The following IGSF23 variants were observed in gnomAD, a reference collection of about 807,000 sequenced individuals.
The protein encoded by IGSF23 is immunoglobulin superfamily, member 23.
IGSF23 carries 14 observed loss-of-function variants against 17.8 expected under a neutral mutation model. The ratio of observed to expected loss-of-function variants is 0.79; its 90% CI spans 0.52 to 1.23. The LOEUF is 1.23. Among genes scored for constraint, IGSF23 ranks in the 50% most tolerant of loss-of-function variants. The pLI is 0.00. For missense variants in IGSF23, 214 were observed against 241.7 expected (o/e 0.89, Z 0.76); for synonymous variants, 85 against 92.5 (o/e 0.92, Z 0.46).
At chr19:44,624,991 C>T (rs1396479311) in intron 2 of IGSF23, among the ~76,000 whole-genome samples, 1 of 151,802 alleles carries the variant, frequency 6.6e-6, no homozygotes, top group African/African-American at 2.4e-5. Flanking sequence ...CACTTGAGCC[C>T]AGGAGTTTAA....
intron 3 of IGSF23, among the ~76,000 whole-genome samples, chr19:44,632,820 T>A (rs35341765): frequency 1.0e-3 from 153 of 152,362 alleles, no homozygotes; most frequent in Non-Finnish European, 1.9e-3. Flanking sequence ...TAGACTCAAT[T>A]GTGTATGGGC....
chr19:44,613,934 G>A, intron 1 of IGSF23, 164 bp downstream of exon 1: 1 of 1,546,684 alleles, frequency 6.5e-7, no homozygotes, highest in Non-Finnish European at 8.7e-7. Flanking sequence ...CGAGATGAGG[G>A]GTCCTCTGGA....
In IGSF23 at chr19:44,623,760, A is replaced by T; in HGVS notation, c.179A>T (p.Gln60Leu). 2 of 1,551,120 alleles carry T rather than the reference A, an allele frequency of 1.3e-6. No individual in the cohort carries two copies. The highest frequency in any genetic ancestry group is 1.7e-6 in the Non-Finnish European group (2 of 1,147,112). Residue 60 changes from glutamine (Q) to leucine (L), a missense_variant, in exon 2 of 5, where the codon CAG (glutamine) becomes CTG (leucine). Coordinates refer to ENST00000402988, the MANE Select transcript of IGSF23 (RefSeq NM_001205280.2). ...CCAGCTGCTATCCGGGGAGTCATCC[A>T]GAGTGAGCTCAACTATTCTGTGATC... ...TFPAAIRGVI[Q>L]SELNYSVILQ...
chr19:44,613,902 T>C (rs1261132067), intron 1 of IGSF23, 132 bp downstream of exon 1: 2 of 1,548,644 alleles, frequency 1.3e-6, no homozygotes, highest in South Asian at 2.4e-5. Context: ...AGACCTTCTC[T>C]GCACAGTCCC....
At chr19:44,613,898 T>G (rs1972308495) in intron 1 of IGSF23, 128 bp downstream of exon 1, 1 of 1,548,572 alleles carries the variant, frequency 6.5e-7, no homozygotes, top group African/African-American at 1.4e-5. Flanking sequence ...GAGGAGACCT[T>G]CTCTGCACAG....
At chr19:44,635,558 G>T in intron 4 of IGSF23, 93 bp downstream of exon 4, 1 of 842,114 alleles carries the variant, frequency 1.2e-6, no homozygotes, top group Non-Finnish European at 1.9e-6. Flanking sequence ...CTCCCTCCTG[G>T]TTCCCTGGTC....
rs1668765696 is a variant in IGSF23, at chr19:44,636,403, C to T, written c.*32-16C>T. 6.6e-6 allele frequency: 1 copy of T among 152,132 alleles called. No individual in the cohort carries two copies. Among genetic ancestry groups the T allele is most frequent in the African/African-American group, 2.4e-5 (1 of 41,410 alleles). 9.4% of individuals were successfully genotyped at this position (152,132 alleles called of 1,614,324 possible). On this transcript the variant is annotated splice_polypyrimidine_tract_variant and intron_variant, in intron 4 of 4. Coordinates refer to ENST00000402988, the MANE Select transcript of IGSF23 (RefSeq NM_001205280.2). The stretch of plus-strand genomic sequence containing the variant: ...TCCTGCATGTGGAATTTACAGTTCT[C>T]TGTCTCTCTCTGCAGATGGGTGCTT...
intron 3 of IGSF23, among the ~76,000 whole-genome samples, chr19:44,634,464 T>C (rs886621263): frequency 2.6e-5 from 4 of 152,226 alleles, no homozygotes; most frequent in African/African-American, 2.4e-5. Context: ...TATTTCCCTG[T>C]TGATCTGGGG....
At chr19:44,627,838 T>TC (rs1972688217) in intron 3 of IGSF23, among the ~76,000 whole-genome samples, 2 of 152,276 alleles carry the variant, frequency 1.3e-5, no homozygotes, top group East Asian at 3.9e-4. Flanking sequence ...GGCAAGCCAC[T>TC]CCCCTTCTCT....
intron 3 of IGSF23, among the ~76,000 whole-genome samples, chr19:44,629,517 G>A (rs556381557): frequency 5.3e-5 from 8 of 151,868 alleles, no homozygotes; most frequent in Non-Finnish European, 8.8e-5. Context: ...AGCGATGATC[G>A]TGCCACCACA....
rs755928659 is a variant in IGSF23, at chr19:44,613,682, C to G, written c.37C>G (p.Pro13Ala). The G allele has an allele frequency of 2.2e-4, 338 of 1,550,230 alleles. No homozygotes were observed. The highest frequency in any genetic ancestry group is 2.0e-4 in the Non-Finnish European group (227 of 1,146,774). ...AKPQSPLPRN[P>A]VPAWSPPTTT... Reference sequence around the variant, plus strand: ...ACCTCAGAGCCCCCTTCCCAGGAACCCTGTCCCAGCCTGGTCCCCACCCAC... The same window carrying G: ...ACCTCAGAGCCCCCTTCCCAGGAACGCTGTCCCAGCCTGGTCCCCACCCAC... The change falls in exon 1 of 5, where the codon CCT becomes GCT. Residue 13 changes from proline (P) to alanine (A), a missense_variant. By Grantham distance (27) the Pro-to-Ala change is conservative. Coordinates refer to ENST00000402988, the MANE Select transcript of IGSF23 (RefSeq NM_001205280.2).
intron 1 of IGSF23, among the ~76,000 whole-genome samples, chr19:44,614,236 G>A (rs1972317391): frequency 6.6e-6 from 1 of 152,068 alleles, no homozygotes. Flanking sequence ...AAGATCACAG[G>A]GCTGGCAAGG....
chr19:44,630,503 G>A (rs1483091288), intron 3 of IGSF23, among the ~76,000 whole-genome samples: 1 of 152,256 alleles, frequency 6.6e-6, no homozygotes, highest in Non-Finnish European at 1.5e-5. Flanking sequence ...GGAAAGGTGA[G>A]GAGTCAGGCT....
chr19:44,619,180 A>G (rs1972456219), intron 1 of IGSF23, among the ~76,000 whole-genome samples: 1 of 152,082 alleles, frequency 6.6e-6, no homozygotes, highest in Non-Finnish European at 1.5e-5. Flanking sequence ...ACATTTTACA[A>G]CAATCAGATC....
chr19:44,621,475 C>A (rs950979494), intron 1 of IGSF23, among the ~76,000 whole-genome samples: 2 of 150,672 alleles, frequency 1.3e-5, no homozygotes, highest in African/African-American at 4.9e-5. Context: ...ATGGTGAGAC[C>A]CCATCTCTAC....
intron 1 of IGSF23, among the ~76,000 whole-genome samples, chr19:44,614,399 A>T (rs1436035230): frequency 6.6e-6 from 1 of 152,112 alleles, no homozygotes; most frequent in Non-Finnish European, 1.5e-5. Context: ...AACTGAATAG[A>T]TCTATATACC....
In IGSF23 at chr19:44,635,340, G is replaced by A; in HGVS notation, c.546-61G>A. 4 of 1,288,230 alleles carry A rather than the reference G, an allele frequency of 3.1e-6. No individual in the cohort carries two copies. The East Asian group carries it at 1.0e-4, about 33-fold the overall frequency. 79.8% of individuals were successfully genotyped at this position (1,288,230 alleles called of 1,614,324 possible). ...GGGAACGGATAATAATTCAGTCGAT[G>A]ATTCTTATTCTCTCTCTCTCTCTCT... On this transcript the variant is annotated intron_variant, in intron 3 of 4. Coordinates refer to ENST00000402988, the MANE Select transcript of IGSF23 (RefSeq NM_001205280.2).
In IGSF23 at chr19:44,623,986, TCCACCCCACC is replaced by T. The variant is rs770685202; in HGVS notation, c.391+26_391+35del. ...TCTCGCTGCCAAGTGAGTCCCCCATTCCACCCCACCCCACCCCACCCAAGAGCCCTGCACC... is the reference window on the plus strand; with the variant it reads ...TCTCGCTGCCAAGTGAGTCCCCCATTCCACCCCACCCAAGAGCCCTGCACC... On this transcript the variant is annotated intron_variant, in intron 2 of 4. Coordinates refer to ENST00000402988, the MANE Select transcript of IGSF23 (RefSeq NM_001205280.2). 3.9e-6 allele frequency: 6 copies of T among 1,540,608 alleles called. No homozygotes were observed. Among genetic ancestry groups the T allele is most frequent in the Non-Finnish European group, 5.2e-6 (6 of 1,143,162 alleles).
At chr19:44,627,199 G>A (rs1008719760) in intron 2 of IGSF23, among the ~76,000 whole-genome samples, 2 of 152,214 alleles carry the variant, frequency 1.3e-5, no homozygotes, top group African/African-American at 4.8e-5. Context: ...ACAGGGTCAG[G>A]TGTGAGCTTT....
Sources: gnomAD v4.1 joint callset for allele counts (sites outside exome capture counted in the v4.1 genomes callset) on GRCh38, gnomAD v4.1.1 for gene constraint, MANE v1.5 for transcripts, NCBI Gene and HGNC (gene_info 2026-07-23, HGNC 2026-07-21) for gene names.